Variants in EFCAB6 observed in about 807,000 individuals in gnomAD.
The protein encoded by EFCAB6 is EF-hand calcium-binding domain-containing protein 6.
A neutral mutation model predicts 169.8 loss-of-function variants in EFCAB6; 156 were observed. The observed-to-expected ratio is 0.92, with a 90% CI of 0.81 to 1.05. The LOEUF is 1.05. Among genes scored for constraint, EFCAB6 ranks in the 50% least tolerant of loss-of-function variants. The pLI is 0.00. For missense variants in EFCAB6, 1,800 were observed against 1,829.1 expected (o/e 0.98, Z 0.29); for synonymous variants, 698 against 676.4 (o/e 1.03, Z -0.50).
intron 5 of EFCAB6, 37 bp downstream of exon 5, chr22:43,765,261 CATTTCAA>C: frequency 6.8e-7 from 1 of 1,472,394 alleles, no homozygotes; most frequent in East Asian, 2.3e-5. Context: ...TCTTACTCAT[CATTTCAA>C]ATTTCACATT....
At chr22:43,542,397 T>C (rs1343321500) in intron 27 of EFCAB6, among the ~76,000 whole-genome samples, 2 of 152,130 alleles carry the variant, frequency 1.3e-5, no homozygotes, top group Non-Finnish European at 2.9e-5. Flanking sequence ...CTGGCCAACA[T>C]GGTGAAACCC....
intron 26 of EFCAB6, among the ~76,000 whole-genome samples, chr22:43,558,766 AT>A (rs75384687): frequency 0.039 from 5,930 of 152,286 alleles, 127 homozygotes; most frequent in African/African-American, 0.051. Flanking sequence ...AAGCTATGTA[AT>A]TTTTTTAGAC....
chr22:43,604,060 C>CTT (rs199885194), intron 22 of EFCAB6, among the ~76,000 whole-genome samples: 15 of 151,410 alleles, frequency 9.9e-5, no homozygotes, highest in African/African-American at 3.6e-4. Context: ...CGCTGGCTCC[C>CTT]TTTTTTTTTC....
intron 1 of EFCAB6, among the ~76,000 whole-genome samples, chr22:43,811,705 C>T (rs1361217758): frequency 2.6e-5 from 4 of 152,112 alleles, no homozygotes; most frequent in African/African-American, 9.7e-5. Context: ...TTTGGAAAAG[C>T]CCCTTCACCC....
Position 43,537,328 on chromosome 22 carries a change from G to A in EFCAB6, c.4048+49C>T, listed in dbSNP as rs763865758. The A allele has an allele frequency of 6.3e-7, 1 of 1,592,974 alleles. No individual in the cohort carries two copies. The highest frequency in any genetic ancestry group is 8.6e-7 in the Non-Finnish European group (1 of 1,166,744). On this transcript the variant is annotated intron_variant, in intron 29 of 31. Coordinates refer to ENST00000262726, the MANE Select transcript of EFCAB6 (RefSeq NM_022785.4). This position sits in a 1 kb window ranked among gnomAD's most constrained non-coding sequence, Gnocchi z 4.3. Reference sequence around the variant, plus strand: ...TTGTACCCAGTGGGAACAGCCTCTTGCCACAGGGGCTGACCACATATTACC... The same window carrying A: ...TTGTACCCAGTGGGAACAGCCTCTTACCACAGGGGCTGACCACATATTACC...
rs375852070 is a variant in EFCAB6, at chr22:43,580,706, C to T, written c.3033-47G>A. On this transcript the variant is annotated intron_variant, in intron 24 of 31. Coordinates refer to ENST00000262726, the MANE Select transcript of EFCAB6 (RefSeq NM_022785.4). ...GAACATATTCATTTTAAAAAGCCAC[C>T]CTACTGCTTATTCATTCAACAGTTG... 9.4e-6 allele frequency: 15 copies of T among 1,590,320 alleles called. No individual in the cohort carries two copies. The African/African-American group carries it at 1.9e-4, about 20-fold the overall frequency.
chr22:43,600,178 G>A lies in EFCAB6; in HGVS notation c.2767C>T (p.Pro923Ser). ...GINYSPAVHRPCAEDYFNFMG... is the reference protein window; with the variant it reads ...GINYSPAVHRSCAEDYFNFMG... ...AAGTTGAAATAATCCTCTGCACAGGGCCGATGGACAGCAGGCGAATAGTTA... is the reference window on the plus strand; with the variant it reads ...AAGTTGAAATAATCCTCTGCACAGGACCGATGGACAGCAGGCGAATAGTTA... The change falls in exon 23 of 32, where the codon CCC (proline) becomes TCC (serine). Residue 923 changes from proline to serine, a missense_variant. Transcript: ENST00000262726. 1.2e-6 allele frequency: 2 copies of A among 1,614,128 alleles called. No individual in the cohort carries two copies. The highest frequency in any genetic ancestry group is 1.7e-6 in the Non-Finnish European group (2 of 1,180,018).
intron 9 of EFCAB6, among the ~76,000 whole-genome samples, chr22:43,713,565 G>T (rs1054858364): frequency 2.0e-5 from 3 of 152,134 alleles, no homozygotes; most frequent in African/African-American, 7.2e-5. Context: ...CAAGCAATAG[G>T]ATACTGCCCA....
rs1233647929 is a variant in EFCAB6 at position 43,572,785 on chromosome 22, C to G, written c.3420+3512G>C. On this transcript the variant is annotated intron_variant, in intron 26 of 31. Coordinates refer to ENST00000262726, the MANE Select transcript of EFCAB6 (RefSeq NM_022785.4). This position sits in a 1 kb window ranked among gnomAD's most constrained non-coding sequence, Gnocchi z 4.0. ...ACGGAGTCACTCACTCCTGCTCTGTCCCCCTCGCTAGAATGGGGGCTTCTG... is the reference window on the plus strand; with the variant it reads ...ACGGAGTCACTCACTCCTGCTCTGTGCCCCTCGCTAGAATGGGGGCTTCTG... Among the ~76,000 whole-genome samples the G allele has an allele frequency of 6.6e-6, 1 of 152,226 alleles. No homozygotes were observed. The highest frequency in any genetic ancestry group is 2.4e-5 in the African/African-American group (1 of 41,446).
At chr22:43,600,404 G>T in intron 22 of EFCAB6, 141 bp from the exon 23 acceptor site, 1 of 843,648 alleles carries the variant, frequency 1.2e-6, no homozygotes, top group Non-Finnish European at 1.8e-6. Flanking sequence ...CTGTGGGCCA[G>T]CGGAATCAGC....
chr22:43,786,278 G>A (rs140268287), intron 2 of EFCAB6, among the ~76,000 whole-genome samples: 3 of 152,082 alleles, frequency 2.0e-5, no homozygotes, highest in South Asian at 2.1e-4. Context: ...CAGAAGAATC[G>A]CTTGAACTTG....
chr22:43,773,172 T>C (rs1452543654), intron 3 of EFCAB6, 69 bp from the exon 4 acceptor site: 10 of 1,498,008 alleles, frequency 6.7e-6, no homozygotes, highest in Non-Finnish European at 9.1e-6. Flanking sequence ...ACTCTTGCAC[T>C]GTTGAACGGA....
chr22:43,530,717 C>T (rs2047003178), intron 31 of EFCAB6, 98 bp downstream of exon 31: 3 of 1,565,738 alleles, frequency 1.9e-6, no homozygotes, highest in East Asian at 2.2e-5. Context: ...CACACCGGGC[C>T]TTCGGCAGCA....
chr22:43,670,227 C>A (rs1306825384), intron 15 of EFCAB6, among the ~76,000 whole-genome samples: 3 of 152,188 alleles, frequency 2.0e-5, no homozygotes, highest in Admixed American at 2.0e-4. Context: ...CTTGTTTCTG[C>A]AATGACACTT....
intron 27 of EFCAB6, among the ~76,000 whole-genome samples, chr22:43,548,498 C>T (rs557028301): frequency 8.4e-6 from 1 of 119,216 alleles, no homozygotes; most frequent in African/African-American, 3.3e-5. Flanking sequence ...CGAGATCAAG[C>T]CACTGCACCC....
At chr22:43,810,810 T>G (rs1032376481) in intron 1 of EFCAB6, among the ~76,000 whole-genome samples, 1 of 152,086 alleles carries the variant, frequency 6.6e-6, no homozygotes, top group Admixed American at 6.5e-5. Flanking sequence ...TAAAATAAAA[T>G]CCTCATCCTC....
chr22:43,637,795 C>T (rs530978020), intron 17 of EFCAB6, among the ~76,000 whole-genome samples: 38 of 152,326 alleles, frequency 2.5e-4, no homozygotes, highest in Non-Finnish European at 4.9e-4. Context: ...GGTAGAAAGC[C>T]GTGGCCCCCG....
Position 43,782,334 on chromosome 22 carries a change from T to A in EFCAB6, c.-7-9A>T. The A allele has an allele frequency of 6.2e-7, 1 of 1,609,808 alleles. No homozygotes were observed. The highest frequency in any genetic ancestry group is 8.5e-7 in the Non-Finnish European group (1 of 1,178,642). On this transcript the variant is annotated splice_polypyrimidine_tract_variant and intron_variant, in intron 2 of 31. Coordinates refer to ENST00000262726, the MANE Select transcript of EFCAB6 (RefSeq NM_022785.4). ...TTTTGCACATTAAATCCCTGTGATA[T>A]AAAAGAAAACAGATTACGTTACCTT...
At chr22:43,729,000 T>C (rs1344269664) in intron 8 of EFCAB6, among the ~76,000 whole-genome samples, 1 of 152,236 alleles carries the variant, frequency 6.6e-6, no homozygotes, top group Admixed American at 6.5e-5. Context: ...ATGTCCTGAA[T>C]GGTATTGCCT....
Sources: allele counts gnomAD v4.1 joint callset (sites outside exome capture counted in the v4.1 genomes callset), GRCh38; gene constraint gnomAD v4.1.1; non-coding constraint Gnocchi (gnomAD v3.1); transcripts MANE v1.5; gene names NCBI Gene and HGNC (gene_info 2026-07-23, HGNC 2026-07-21).